RASSF5: variants seen among roughly 807,000 people sequenced by gnomAD.
The protein encoded by RASSF5 is ras association domain-containing protein 5.
In RASSF5, 25 loss-of-function variants were observed where a neutral mutation model predicts 40.5. The observed-to-expected ratio is 0.62, with a 90% CI of 0.45 to 0.86. The LOEUF (loss-of-function observed/expected upper bound fraction) is 0.86, where lower values mean the gene tolerates loss of function less well. Among genes scored for constraint, RASSF5 ranks in the 40% least tolerant of loss-of-function variants. The pLI is 0.00. For missense variants in RASSF5, 521 were observed against 572.8 expected (o/e 0.91, Z 0.92); for synonymous variants, 246 against 252.4 (o/e 0.97, Z 0.24).
At chr1:206,511,393 G>A (rs150942743) in intron 1 of RASSF5, among the ~76,000 whole-genome samples, 51 of 152,282 alleles carry the variant, frequency 3.3e-4, no homozygotes, top group Non-Finnish European at 6.6e-4. Context: ...TGTAGAAGGC[G>A]CATGGAGGTG....
chr1:206,585,193 A>G lies in RASSF5; in HGVS notation c.1002A>G (p.Lys334=). The G allele has an allele frequency of 6.2e-7, 1 of 1,611,364 alleles. No homozygotes were observed. The highest frequency in any genetic ancestry group is 1.1e-5 in the South Asian group (1 of 90,930). The part of the protein sequence containing the change: ...IHKDGQVLFQ[K]LSIADRPLYL... Reference sequence around the variant, plus strand: ...CTTGGTTTGCAGTGCTCTTCCAGAAACTCTCCATTGCTGACCGCCCCCTCT... The same window carrying G: ...CTTGGTTTGCAGTGCTCTTCCAGAAGCTCTCCATTGCTGACCGCCCCCTCT... The change falls in exon 5 of 6, where the codon AAA becomes AAG. Residue 334 remains lysine, a synonymous_variant. Coordinates refer to ENST00000579436, the MANE Select transcript of RASSF5 (RefSeq NM_182663.4).
intron 2 of RASSF5, chr1:206,541,719 A>G (rs927159729): frequency 1.3e-5 from 2 of 152,188 alleles, no homozygotes; most frequent in Non-Finnish European, 2.9e-5. Context: ...AAAGACCACA[A>G]TCAGTTACCC....
At chr1:206,567,430 A>G (rs149084800) in intron 2 of RASSF5, among the ~76,000 whole-genome samples, 14 of 152,240 alleles carry the variant, frequency 9.2e-5, no homozygotes, top group African/African-American at 2.6e-4. Context: ...TGGGTGAAAG[A>G]TCCTGGTTTG....
chr1:206,567,054 T>C (rs1553403500), intron 2 of RASSF5, among the ~76,000 whole-genome samples: 10 of 152,236 alleles, frequency 6.6e-5, no homozygotes, highest in Admixed American at 6.5e-4. Context: ...TTTTTCCAGT[T>C]ATCAGGAAAT....
In RASSF5 at chr1:206,583,264, T is replaced by A. The variant is rs1553406747; in HGVS notation, c.580-5T>A. On this transcript the variant is annotated splice_region_variant and splice_polypyrimidine_tract_variant and intron_variant, in intron 2 of 5. Coordinates refer to ENST00000579436, the MANE Select transcript of RASSF5 (RefSeq NM_182663.4). ...CATCCACCTCCACTTCTGTGTCTCT[T>A]CCAGAATGTCTGTAAACCTGTGGAG... The A allele has an allele frequency of 1.2e-6, 2 of 1,601,120 alleles. No individual in the cohort carries two copies. Among genetic ancestry groups the A allele is most frequent in the Non-Finnish European group, 1.7e-6 (2 of 1,168,464 alleles).
chr1:206,558,783 T>C (rs1668064948), intron 2 of RASSF5, among the ~76,000 whole-genome samples: 1 of 152,210 alleles, frequency 6.6e-6, no homozygotes, highest in African/African-American at 2.4e-5. Context: ...AATAGGCCCC[T>C]GTAACTAGCA....
At chr1:206,555,089 T>C (rs1474748771) in intron 2 of RASSF5, among the ~76,000 whole-genome samples, 1 of 152,162 alleles carries the variant, frequency 6.6e-6, no homozygotes, top group African/African-American at 2.4e-5. Context: ...AAATAATGGA[T>C]GTTAAAAAGG....
chr1:206,570,061 C>G (rs114601436), intron 2 of RASSF5, among the ~76,000 whole-genome samples: 4,988 of 144,856 alleles, frequency 0.034, 104 homozygotes, highest in Admixed American at 0.049. Flanking sequence ...GTAAAATACA[C>G]ATAACATAAA....
intron 2 of RASSF5, among the ~76,000 whole-genome samples, chr1:206,540,868 G>C (rs567927721): frequency 1.3e-5 from 2 of 152,052 alleles, no homozygotes; most frequent in Admixed American, 1.3e-4. Flanking sequence ...GGGGGGTCTC[G>C]TCTCAGTGGC....
intron 2 of RASSF5, among the ~76,000 whole-genome samples, chr1:206,553,074 C>T (rs941761224): frequency 5.3e-5 from 8 of 151,962 alleles, no homozygotes; most frequent in South Asian, 2.1e-4. Context: ...TGGTGGCGGG[C>T]GCCTGTAGTC....
chr1:206,524,043 T>C (rs1667016307), intron 1 of RASSF5, among the ~76,000 whole-genome samples: 1 of 118,938 alleles, frequency 8.4e-6, no homozygotes, highest in South Asian at 2.6e-4. Flanking sequence ...TATAATATAT[T>C]TTATATATAA....
chr1:206,539,351 A>G (rs1420061415), intron 2 of RASSF5, among the ~76,000 whole-genome samples: 2 of 152,156 alleles, frequency 1.3e-5, no homozygotes, highest in Non-Finnish European at 2.9e-5. Flanking sequence ...CTGAGAAACT[A>G]TACTGGGGGA....
rs572470755 is a variant in RASSF5 at position 206,535,751 on chromosome 1, A to T, written c.458-2421A>T. Among the ~76,000 whole-genome samples, 1,377 of 151,054 alleles carry T rather than the reference A, an allele frequency of 9.1e-3. 24 individuals are homozygous for T. The highest frequency in any genetic ancestry group is 0.032 in the African/African-American group (1,306 of 40,838). On this transcript the variant is annotated intron_variant, in intron 1 of 5. Coordinates refer to ENST00000579436, the MANE Select transcript of RASSF5 (RefSeq NM_182663.4). The surrounding 1 kb of genome is among the most constrained non-coding windows in gnomAD (Gnocchi z 5.0). The stretch of plus-strand genomic sequence containing the variant: ...GTGTGTGTGTGTGTGTGTGAGAGAG[A>T]GAGAGAGAGATGGAAATTGAGAGAT...
At chr1:206,534,003 G>A (rs942147580) in intron 1 of RASSF5, among the ~76,000 whole-genome samples, 1 of 152,150 alleles carries the variant, frequency 6.6e-6, no homozygotes, top group Admixed American at 6.5e-5. Flanking sequence ...CCAGAAAGAG[G>A]CAACAAAGGA....
chr1:206,587,584 G>A lies in RASSF5; in HGVS notation c.*606G>A. On this transcript the variant is annotated 3_prime_UTR_variant, in exon 6 of 6. Transcript: ENST00000579436. Reference sequence around the variant, plus strand: ...GTAAGGAGCACCAAAGCTGAGGCTGGCTCAGAGATCTCCAGAGAAGCTGCA... The same window carrying A: ...GTAAGGAGCACCAAAGCTGAGGCTGACTCAGAGATCTCCAGAGAAGCTGCA... 6.4e-6 allele frequency: 1 copy of A among 156,388 alleles called. No individual in the cohort carries two copies. Among genetic ancestry groups the A allele is most frequent in the Non-Finnish European group, 1.4e-5 (1 of 70,774 alleles). The allele number at this position is 156,388 out of a possible 1,614,324, so 9.7% of individuals were successfully genotyped here.
chr1:206,576,671 A>G (rs1362314611), intron 2 of RASSF5, among the ~76,000 whole-genome samples: 2 of 152,258 alleles, frequency 1.3e-5, no homozygotes, highest in African/African-American at 4.8e-5. Context: ...AGAGATGGCT[A>G]TAGACTGGAG....
chr1:206,564,316 G>A (rs979341419), intron 2 of RASSF5, among the ~76,000 whole-genome samples: 7 of 152,022 alleles, frequency 4.6e-5, no homozygotes, highest in African/African-American at 1.2e-4. Flanking sequence ...TTGTTCACAC[G>A]CCGCTTAGTC....
intron 1 of RASSF5, among the ~76,000 whole-genome samples, chr1:206,522,143 C>T (rs1433582150): frequency 6.6e-6 from 1 of 152,042 alleles, no homozygotes; most frequent in Non-Finnish European, 1.5e-5. Context: ...TCCTTTCATA[C>T]ACTTCTTCCT....
intron 2 of RASSF5, among the ~76,000 whole-genome samples, chr1:206,548,057 T>A (rs1271538737): frequency 6.6e-6 from 1 of 152,228 alleles, no homozygotes; most frequent in African/African-American, 2.4e-5. Context: ...GCACTTTTTT[T>A]CTTTCATTAT....
Sources: allele counts gnomAD v4.1 joint callset (sites outside exome capture counted in the v4.1 genomes callset), GRCh38; gene constraint gnomAD v4.1.1; non-coding constraint Gnocchi (gnomAD v3.1); transcripts MANE v1.5; gene names NCBI Gene and HGNC (gene_info 2026-07-23, HGNC 2026-07-21).